The following CHKB variants were observed in gnomAD, a reference collection of about 807,000 sequenced individuals.
CHKB encodes the protein choline/ethanolamine kinase.
CHKB carries 45 observed loss-of-function variants against 57.3 expected under a neutral mutation model. The ratio of observed to expected loss-of-function variants is 0.79; its 90% CI spans 0.62 to 1.01. CHKB has a LOEUF of 1.01. CHKB is among the 50% of genes least tolerant of loss of function. CHKB has a pLI of 0.00. For synonymous variants in CHKB, 224 were observed against 201.8 expected, an observed-to-expected ratio of 1.11 and a Z score of -0.93; for missense variants, 517 against 502.8, an observed-to-expected ratio of 1.03 and a Z score of -0.27.
chr22:50,581,627 G>A, intron 3 of CHKB, 74 bp from the exon 4 acceptor site: 1 of 1,603,446 alleles, frequency 6.2e-7, no homozygotes, highest in Non-Finnish European at 8.5e-7. Context: ...ATGAGGGGAA[G>A]TCAGGGTTTT....
Position 50,582,838 on chromosome 22 carries a change from T to A in CHKB, c.-57A>T, listed in dbSNP as rs2070731387. 8 of 1,301,816 alleles carry A rather than the reference T, an allele frequency of 6.1e-6. No homozygotes were observed. The highest frequency in any genetic ancestry group is 2.5e-4 in the Middle Eastern group (1 of 3,968). The allele number at this position is 1,301,816 out of a possible 1,614,324, so 80.6% of individuals were successfully genotyped here. On this transcript the variant is annotated 5_prime_UTR_variant, in exon 1 of 11. Transcript: ENST00000406938. ...TGCGCTCCGCTCCCTTCGGACGGGCTCGGTTCCTTCCGGCCGCGCTCGGCT... is the reference window on the plus strand; with the variant it reads ...TGCGCTCCGCTCCCTTCGGACGGGCACGGTTCCTTCCGGCCGCGCTCGGCT...
Position 50,581,755 on chromosome 22 carries a change from G to A in CHKB, c.441C>T (p.Tyr147=), listed in dbSNP as rs1236632561. 5 of 1,613,622 alleles carry A rather than the reference G, an allele frequency of 3.1e-6. No individual in the cohort carries two copies. The highest frequency in any genetic ancestry group is 3.4e-6 in the Non-Finnish European group (4 of 1,179,746). ...GGTAGGACTGGGCCCGTACTGGGATGTACTGTTCCAGCCGGCCCTCTGGGA... is the reference window on the plus strand; with the variant it reads ...GGTAGGACTGGGCCCGTACTGGGATATACTGTTCCAGCCGGCCCTCTGGGA... ...GVFPEGRLEQ[Y]IPSRPLKTQE... is the part of the protein sequence containing the mutation. The change falls in exon 3 of 11, where the codon TAC becomes TAT. Residue 147 remains tyrosine, a synonymous_variant. Transcript: ENST00000406938.
chr22:50,579,343 G>C lies in CHKB; in HGVS notation c.1113+83C>G, dbSNP rs1230684718. ...CCTCAGGCTGCCCACAGCCACCCGG[G>C]ACTCCCCAGGCCTCCTGGAAGAGTG... On this transcript the variant is annotated intron_variant, in intron 10 of 10. Coordinates refer to ENST00000406938, the MANE Select transcript of CHKB (RefSeq NM_005198.5). The C allele has an allele frequency of 7.0e-6, 11 of 1,578,026 alleles. No homozygotes were observed. In the African/African-American group the frequency reaches 1.5e-4, roughly 21 times the overall value.
At position 50,582,048 on chromosome 22, in the gene CHKB, T is replaced by C. The variant is rs537619015; in HGVS notation, c.334-186A>G. The C allele has an allele frequency of 1.3e-4, 102 of 771,848 alleles. 1 individual carries two copies. The African/African-American group carries it at 1.6e-3, about 12-fold the overall frequency. 47.8% of individuals were successfully genotyped at this position (771,848 alleles called of 1,614,324 possible). The stretch of plus-strand genomic sequence containing the variant: ...TCTCACTATGTTGTCCAGGCTGGTC[T>C]CGAACTCCTGTGCTCAAGTGATCCT... On this transcript the variant is annotated intron_variant, in intron 2 of 10. Transcript: ENST00000406938.
chr22:50,579,005 G>T lies in CHKB; in HGVS notation c.*176C>A, dbSNP rs1301325828. On this transcript the variant is annotated 3_prime_UTR_variant, in exon 11 of 11. Transcript: ENST00000406938. ...TTTATTGTGTTACATACACAGCACG[G>T]GGCTCTGGCCTGCCAGCCATGGGGA... The T allele has an allele frequency of 1.9e-5, 13 of 682,842 alleles. No individual in the cohort carries two copies. The South Asian group carries it at 2.1e-4, about 11-fold the overall frequency. The allele number at this position is 682,842 out of a possible 1,614,324, so 42.3% of individuals were successfully genotyped here.
chr22:50,582,026 C>A, intron 2 of CHKB, 164 bp from the exon 3 acceptor site: 1 of 778,810 alleles, frequency 1.3e-6, no homozygotes. Context: ...ATGGGGGTCT[C>A]ACTATGTTGT....
At chr22:50,582,439 C>T in intron 1 of CHKB, 82 bp from the exon 2 acceptor site, 1 of 1,453,124 alleles carries the variant, frequency 6.9e-7, no homozygotes, top group Non-Finnish European at 9.2e-7. Flanking sequence ...CAGGCCGGCC[C>T]CGCCCCGCCC....
At position 50,580,031 on chromosome 22, in the gene CHKB, G is replaced by C; in HGVS notation, c.870C>G (p.His290Gln). 1 of 1,613,984 alleles carries C rather than the reference G, an allele frequency of 6.2e-7. No homozygotes were observed. Among genetic ancestry groups the C allele is most frequent in the Non-Finnish European group, 8.5e-7 (1 of 1,180,024 alleles). ...HFCEWVYDYT[H>Q]EEWPFYKARP... is the part of the protein sequence containing the mutation. ...TTGCTTTGTAGAAAGGCCATTCCTC[G>C]TGAGTATAATCATAAACCCACTCAC... is the stretch of plus-strand genomic sequence containing the variant. The change falls in exon 8 of 11, where the codon CAC (histidine) becomes CAG (glutamine). Residue 290 changes from histidine to glutamine, a missense_variant. His to Gln is a conservative substitution (Grantham distance 24). Coordinates refer to ENST00000406938, the MANE Select transcript of CHKB (RefSeq NM_005198.5).
In CHKB at chr22:50,579,763, C is replaced by A; in HGVS notation, c.995G>T (p.Arg332Ile). Reference sequence around the variant, plus strand: ...TACCAGCAAATCTTCTTCCAGTTTTCTCTGCTCCTCTTGGGAGAGGGTCTC... The same window carrying A: ...TACCAGCAAATCTTCTTCCAGTTTTATCTGCTCCTCTTGGGAGAGGGTCTC... ...KGETLSQEEQ[R>I]KLEEDLLVEV... Residue 332 changes from arginine (R) to isoleucine (I), a missense_variant, in exon 9 of 11, where the codon AGA (arginine) becomes ATA (isoleucine). Arg to Ile is a moderately conservative substitution (Grantham distance 97). Coordinates refer to ENST00000406938, the MANE Select transcript of CHKB (RefSeq NM_005198.5). 1 of 1,614,062 alleles carries A rather than the reference C, an allele frequency of 6.2e-7. No homozygotes were observed. The highest frequency in any genetic ancestry group is 8.5e-7 in the Non-Finnish European group (1 of 1,180,014).
At chr22:50,580,757 C>T in intron 4 of CHKB, 97 bp from the exon 5 acceptor site, 1 of 1,012,088 alleles carries the variant, frequency 9.9e-7, no homozygotes, top group Non-Finnish European at 1.5e-6. Context: ...CTGCTCCTAT[C>T]ACTGTGTGAC....
chr22:50,579,066 C>A lies in CHKB; in HGVS notation c.*115G>T. 2 of 1,030,608 alleles carry A rather than the reference C, an allele frequency of 1.9e-6. No homozygotes were observed. The highest frequency in any genetic ancestry group is 3.0e-6 in the Non-Finnish European group (2 of 673,016). The allele number at this position is 1,030,608 out of a possible 1,614,324, so 63.8% of individuals were successfully genotyped here. A position where few individuals can be genotyped will look rare whatever the true frequency, so the allele number is the denominator to read the frequency against. ...CTCAGGAACAGGCCGGTCTCCTGAACCTCAGTTTCACTTGGGGGCTCAGCC... is the reference window on the plus strand; with the variant it reads ...CTCAGGAACAGGCCGGTCTCCTGAAACTCAGTTTCACTTGGGGGCTCAGCC... On this transcript the variant is annotated 3_prime_UTR_variant, in exon 11 of 11. Transcript: ENST00000406938.
At chr22:50,579,706 A>G in intron 9 of CHKB, 21 bp downstream of exon 9, 7 of 1,594,190 alleles carry the variant, frequency 4.4e-6, no homozygotes, top group Non-Finnish European at 6.0e-6. Flanking sequence ...GCCCTACCCC[A>G]CCCTGCCCCT....
At position 50,581,791 on chromosome 22, in the gene CHKB, C is replaced by T. The variant is rs2070696646; in HGVS notation, c.405G>A (p.Leu135=). Residue 135 remains leucine, a synonymous_variant, in exon 3 of 11, where the codon CTG becomes CTA. Transcript: ENST00000406938. ...GCCGGCCCTCTGGGAAGACTCCGTA[C>T]AGCTGGGGCCCCAGCGACCGCTCCG... ...ILAERSLGPQ[L]YGVFPEGRLE... 6.2e-7 allele frequency: 1 copy of T among 1,613,844 alleles called. No homozygotes were observed. The highest frequency in any genetic ancestry group is 1.3e-5 in the African/African-American group (1 of 74,904).
rs1399285509 is a variant in CHKB at position 50,582,570 on chromosome 22, A to C, written c.212T>G (p.Val71Gly). ...WRRVQPEELR[V>G]YPVSGGLSNL... is the part of the protein sequence containing the mutation. ...CCTGACCTCCCACCTCACGGGGTAA[A>C]CCCTCAGCTCCTCGGGCTGCACTCG... The change falls in exon 1 of 11, where the codon GTT becomes GGT. Residue 71 changes from valine to glycine, a missense_variant. Physicochemically the swap from Val to Gly is moderately radical, Grantham distance 109 (BLOSUM62 -3). Transcript: ENST00000406938. The C allele has an allele frequency of 6.2e-7, 1 of 1,609,224 alleles. No homozygotes were observed. Among genetic ancestry groups the C allele is most frequent in the African/African-American group, 1.3e-5 (1 of 74,644 alleles).
At chr22:50,580,688 GCT>G (rs1454867139) in intron 4 of CHKB, 28 bp from the exon 5 acceptor site, 1 of 1,603,242 alleles carries the variant, frequency 6.2e-7, no homozygotes, top group Non-Finnish European at 8.5e-7. Flanking sequence ...GGATACACTG[GCT>G]CTGCTATTCT....
At chr22:50,581,313 G>A in intron 4 of CHKB, 107 bp downstream of exon 4, 3 of 1,411,596 alleles carry the variant, frequency 2.1e-6, no homozygotes, top group Non-Finnish European at 2.9e-6. Flanking sequence ...GACAGCCCAT[G>A]ACATCAGATC....
At position 50,580,020 on chromosome 22, in the gene CHKB, G is replaced by A; in HGVS notation, c.881C>T (p.Pro294Leu). 1 of 1,614,046 alleles carries A rather than the reference G, an allele frequency of 6.2e-7. No individual in the cohort carries two copies. The highest frequency in any genetic ancestry group is 8.5e-7 in the Non-Finnish European group (1 of 1,180,036). Residue 294 changes from proline (P) to leucine (L), a missense_variant, in exon 8 of 11, where the codon CCT becomes CTT. Coordinates refer to ENST00000406938, the MANE Select transcript of CHKB (RefSeq NM_005198.5). Reference protein sequence around the residue: ...WVYDYTHEEWPFYKARPTDYP... With the variant: ...WVYDYTHEEWLFYKARPTDYP... ...GTCTGTGGGCCTTGCTTTGTAGAAA[G>A]GCCATTCCTCGTGAGTATAATCATA...
At chr22:50,580,749 G>A in intron 4 of CHKB, 89 bp from the exon 5 acceptor site, 1 of 1,097,588 alleles carries the variant, frequency 9.1e-7, no homozygotes, top group African/African-American at 1.5e-5. Context: ...CTGCACCCCT[G>A]CTCCTATCAC....
intron 9 of CHKB, 108 bp from the exon 10 acceptor site, chr22:50,579,615 G>T: frequency 6.7e-7 from 1 of 1,486,912 alleles, no homozygotes; most frequent in Non-Finnish European, 9.4e-7. Flanking sequence ...CTCCCCCACT[G>T]TCCTAACTCC....
Sources: allele counts gnomAD v4.1 joint callset, GRCh38; gene constraint gnomAD v4.1.1; transcripts MANE v1.5; gene names NCBI Gene and HGNC (gene_info 2026-07-23, HGNC 2026-07-21).